The following UBE3D variants were observed in gnomAD, a reference collection of about 807,000 sequenced individuals.
UBE3D encodes the protein ubiquitin protein ligase E3D.
In UBE3D, 48 loss-of-function variants were observed where a neutral mutation model predicts 49.6. That is an observed-to-expected ratio of 0.97 (90% CI 0.77 to 1.23). The LOEUF is 1.23. UBE3D is among the 50% of genes most tolerant of loss of function. The pLI is 0.00. For missense variants in UBE3D, 452 were observed against 468.4 expected (o/e 0.96, Z 0.32); for synonymous variants, 189 against 174.2 (o/e 1.08, Z -0.67).
At chr6:82,895,736 C>T (rs1203226747) in intron 9 of UBE3D, among the ~76,000 whole-genome samples, 1 of 152,212 alleles carries the variant, frequency 6.6e-6, no homozygotes, top group Non-Finnish European at 1.5e-5. Context: ...GATAGCAAAG[C>T]TCTTAGGTGA....
intron 9 of UBE3D, among the ~76,000 whole-genome samples, chr6:82,919,552 C>T (rs138060274): frequency 1.3e-5 from 2 of 151,954 alleles, no homozygotes; most frequent in African/African-American, 4.8e-5. Flanking sequence ...GCCAAGATCA[C>T]ACCACTGCAC....
intron 9 of UBE3D, among the ~76,000 whole-genome samples, chr6:82,897,859 C>A (rs543438088): frequency 2.6e-5 from 4 of 152,064 alleles, no homozygotes; most frequent in African/African-American, 9.7e-5. Flanking sequence ...AAAAGATATT[C>A]CTCTCAAAAG....
intron 9 of UBE3D, among the ~76,000 whole-genome samples, chr6:82,897,881 A>T (rs1342493776): frequency 1.3e-5 from 2 of 152,198 alleles, no homozygotes; most frequent in Non-Finnish European, 2.9e-5. Context: ...AACTATCATC[A>T]GAGTGAACAG....
In UBE3D at chr6:83,023,950, T is replaced by C. The variant is rs763342086; in HGVS notation, c.737+19A>G. ...AAAAAATAAATTACAAATAAATAAA[T>C]GTAATTTGCTATTTGTACCTTGGTA... On this transcript the variant is annotated intron_variant, in intron 6 of 9. Transcript: ENST00000369747. 2 of 1,420,596 alleles carry C rather than the reference T, an allele frequency of 1.4e-6. No homozygotes were observed. The highest frequency in any genetic ancestry group is 9.5e-7 in the Non-Finnish European group (1 of 1,050,428). 88.0% of individuals were successfully genotyped at this position (1,420,596 alleles called of 1,614,324 possible). A position where few individuals can be genotyped will look rare whatever the true frequency, so the allele number is the denominator to read the frequency against.
chr6:82,893,306 T>C (rs1414074501), intron 9 of UBE3D, among the ~76,000 whole-genome samples: 1 of 152,206 alleles, frequency 6.6e-6, no homozygotes, highest in Non-Finnish European at 1.5e-5. Flanking sequence ...TAAAGTTATA[T>C]TGCTACGAAG....
intron 8 of UBE3D, among the ~76,000 whole-genome samples, chr6:83,000,963 G>A (rs1201175665): frequency 6.6e-6 from 1 of 151,978 alleles, no homozygotes; most frequent in African/African-American, 2.4e-5. Flanking sequence ...TCCTGCCTCA[G>A]CCTCCTGAGT....
chr6:82,995,898 C>T (rs1779208805), intron 8 of UBE3D, among the ~76,000 whole-genome samples: 1 of 152,114 alleles, frequency 6.6e-6, no homozygotes, highest in Non-Finnish European at 1.5e-5. Context: ...GAAACACCGT[C>T]TCTACTAAAA....
intron 7 of UBE3D, 128 bp downstream of exon 7, chr6:83,022,325 C>T: frequency 1.6e-6 from 1 of 639,494 alleles, no homozygotes; most frequent in Non-Finnish European, 2.5e-6. Flanking sequence ...CCGTGCCCAG[C>T]CTGATATTAA....
downstream of UBE3D, among the ~76,000 whole-genome samples, chr6:82,887,409 T>TTGTTTTG (rs1562053954): frequency 2.7e-5 from 4 of 147,626 alleles, no homozygotes; most frequent in African/African-American, 5.0e-5. Flanking sequence ...TTTTTTTTTT[T>TTGTTTTG]TTTCAGAAAG....
intron 8 of UBE3D, chr6:83,017,654 A>G (rs1780787165): frequency 6.6e-6 from 1 of 152,130 alleles, no homozygotes; most frequent in South Asian, 2.1e-4. Flanking sequence ...ATTTATAAAA[A>G]CTTCAGGTGG....
chr6:82,942,789 G>C (rs1288435834), intron 9 of UBE3D, among the ~76,000 whole-genome samples: 1 of 152,268 alleles, frequency 6.6e-6, no homozygotes, highest in Admixed American at 6.5e-5. Flanking sequence ...CGCAGGCACA[G>C]AGCCCTTACG....
chr6:82,961,305 T>G (rs1192854226), intron 8 of UBE3D, among the ~76,000 whole-genome samples: 3 of 152,236 alleles, frequency 2.0e-5, no homozygotes, highest in Admixed American at 2.0e-4. Flanking sequence ...TTCAGTCTTG[T>G]AAGCCTAAGG....
At chr6:82,933,860 GCA>G (rs1302740262) in intron 9 of UBE3D, among the ~76,000 whole-genome samples, 1 of 152,290 alleles carries the variant, frequency 6.6e-6, no homozygotes, top group Non-Finnish European at 1.5e-5. Flanking sequence ...TGGACCAGAA[GCA>G]CACAGTGTGG....
intron 3 of UBE3D, among the ~76,000 whole-genome samples, chr6:83,048,475 C>T (rs1455336617): frequency 6.6e-6 from 1 of 152,132 alleles, no homozygotes; most frequent in Non-Finnish European, 1.5e-5. Flanking sequence ...TGCCAATAAA[C>T]AAACCCTCAA....
At chr6:83,024,894 A>G (rs1781350318) in intron 5 of UBE3D, among the ~76,000 whole-genome samples, 1 of 152,142 alleles carries the variant, frequency 6.6e-6, no homozygotes, top group East Asian at 1.9e-4. Flanking sequence ...CCTCTCCTTC[A>G]TTCAAGGGGT....
rs111621175 is a variant in UBE3D, at chr6:83,034,473, C to A, written c.667+3943G>T. Among the ~76,000 whole-genome samples the A allele has an allele frequency of 9.7e-3, 1,470 of 152,072 alleles. 22 individuals carry two copies. The highest frequency in any genetic ancestry group is 0.034 in the African/African-American group (1,393 of 41,480). Reference sequence around the variant, plus strand: ...AGATTAGCTGTCGTCACATGTTGATCTAGTTTGGCTCTGTGTCCCCACCCA... The same window carrying A: ...AGATTAGCTGTCGTCACATGTTGATATAGTTTGGCTCTGTGTCCCCACCCA... On this transcript the variant is annotated intron_variant, in intron 5 of 9. Transcript: ENST00000369747.
intron 8 of UBE3D, among the ~76,000 whole-genome samples, chr6:83,014,397 T>C (rs1780550296): frequency 6.6e-6 from 1 of 152,192 alleles, no homozygotes; most frequent in African/African-American, 2.4e-5. Flanking sequence ...ACCCTTGCCC[T>C]ACAGTCAGGG....
chr6:82,961,052 C>T (rs1467474154), intron 8 of UBE3D, among the ~76,000 whole-genome samples: 1 of 152,126 alleles, frequency 6.6e-6, no homozygotes, highest in Non-Finnish European at 1.5e-5. Flanking sequence ...AAGACCTATT[C>T]CAGGCCCATG....
intron 8 of UBE3D, among the ~76,000 whole-genome samples, chr6:82,981,429 T>A (rs373723047): frequency 1.6e-3 from 249 of 152,152 alleles, no homozygotes; most frequent in African/African-American, 5.8e-3. Context: ...AATGTTACTG[T>A]TTTTTACCTC....
Sources: allele counts gnomAD v4.1 joint callset (sites outside exome capture counted in the v4.1 genomes callset), GRCh38; gene constraint gnomAD v4.1.1; transcripts MANE v1.5; gene names NCBI Gene and HGNC (gene_info 2026-07-23, HGNC 2026-07-21).